Variants in CHD5 observed in about 807,000 individuals in gnomAD.
The protein encoded by CHD5 is chromodomain helicase DNA binding protein 5, also known as ATP-dependent chromatin remodeler CHD5.
CHD5 carries 69 observed loss-of-function variants against 230.3 expected under a neutral mutation model. The observed-to-expected ratio is 0.30, with a 90% CI of 0.25 to 0.37. CHD5 has a LOEUF of 0.37. Among genes scored for constraint, CHD5 ranks in the 10% least tolerant of loss-of-function variants. CHD5 has a pLI of 1.00. For missense variants in CHD5, 1,827 were observed against 2,622.8 expected, an observed-to-expected ratio of 0.70 and a Z score of 6.63; for synonymous variants, 1,064 against 1,065.9, an observed-to-expected ratio of 1.00 and a Z score of 0.03.
At chr1:6,177,799 G>C (rs963754576) in intron 1 of CHD5, among the ~76,000 whole-genome samples, 7 of 152,214 alleles carry the variant, frequency 4.6e-5, no homozygotes, top group Non-Finnish European at 8.8e-5. Flanking sequence ...TGGCAGGATG[G>C]AGCGTGGAGC....
chr1:6,178,307 A>G (rs916793338), intron 1 of CHD5, among the ~76,000 whole-genome samples: 2 of 152,010 alleles, frequency 1.3e-5, no homozygotes, highest in East Asian at 1.9e-4. Context: ...CCCCTCCCCA[A>G]CCTCTAAGTC....
rs1366876416 is a variant in CHD5, at chr1:6,167,030, A to G, written c.207+1120T>C. 1.3e-5 allele frequency among the ~76,000 whole-genome samples: 2 copies of G among 152,082 alleles called. No individual in the cohort carries two copies. Among genetic ancestry groups the G allele is most frequent in the Admixed American group, 6.5e-5 (1 of 15,270 alleles). On this transcript the variant is annotated intron_variant, in intron 2 of 41. Transcript: ENST00000262450. The surrounding 1 kb of genome is among the most constrained non-coding windows in gnomAD (Gnocchi z 4.5). ...CACCTCACTCTGCAGGGAGGCCTAG[A>G]TCCGGGCCCAGCGCTGCCAAGGGCA...
intron 37 of CHD5, 44 bp from the exon 38 acceptor site, chr1:6,110,034 G>A: frequency 2.7e-6 from 4 of 1,458,968 alleles, no homozygotes; most frequent in Non-Finnish European, 3.6e-6. Flanking sequence ...CCCGCTGAAT[G>A]GCTACCCTCC....
intron 15 of CHD5, among the ~76,000 whole-genome samples, chr1:6,141,399 T>C (rs1344082371): frequency 6.6e-6 from 1 of 151,824 alleles, no homozygotes; most frequent in Non-Finnish European, 1.5e-5. Flanking sequence ...GCAGATCACT[T>C]GAGGTCACAA....
chr1:6,111,188 C>A (rs1666281507), intron 36 of CHD5, among the ~76,000 whole-genome samples: 1 of 150,470 alleles, frequency 6.6e-6, no homozygotes, highest in African/African-American at 2.4e-5. Flanking sequence ...TGAGATCGCA[C>A]CACTGCACTT....
rs1453242840 is a variant in CHD5, at chr1:6,149,039, C to T, written c.1198G>A (p.Asp400Asn). ...EGIQWEPKDD[D>N]DEEEEGGCEE... is the part of the protein sequence containing the mutation. ...CAGCCGCCCTCCTCCTCTTCATCGT[C>T]GTCGTCCTTCGGCTCCCACTGGATC... The change falls in exon 9 of 42, where the codon GAC (aspartate) becomes AAC (asparagine). Residue 400 changes from aspartate (D) to asparagine (N), a missense_variant. Around this residue, in one of 14 missense-constraint regions of CHD5, gnomAD observed 657 missense variants for 816.4 expected, o/e 0.80. Transcript: ENST00000262450. 5 of 1,584,496 alleles carry T rather than the reference C, an allele frequency of 3.2e-6. No homozygotes were observed. Among genetic ancestry groups the T allele is most frequent in the Non-Finnish European group, 4.3e-6 (5 of 1,166,054 alleles).
chr1:6,168,725 G>A (rs1667291226), intron 1 of CHD5, among the ~76,000 whole-genome samples: 1 of 152,128 alleles, frequency 6.6e-6, no homozygotes, highest in African/African-American at 2.4e-5. Context: ...GGTGGCTCGA[G>A]AATGCTGGAC....
At chr1:6,107,406 GAAAT>G (rs1328479229) in intron 38 of CHD5, among the ~76,000 whole-genome samples, 7 of 88,380 alleles carry the variant, frequency 7.9e-5, no homozygotes, top group Admixed American at 2.2e-4. Context: ...GAGGGGTGGA[GAAAT>G]GGAGGGATGG....
intron 6 of CHD5, 151 bp from the exon 7 acceptor site, chr1:6,151,306 C>A: frequency 2.2e-6 from 2 of 910,626 alleles, no homozygotes; most frequent in Non-Finnish European, 3.0e-6. Flanking sequence ...AGCTGAAAAC[C>A]TCACATTACA....
At chr1:6,162,879 G>A (rs997005755) in intron 2 of CHD5, among the ~76,000 whole-genome samples, 7 of 152,142 alleles carry the variant, frequency 4.6e-5, no homozygotes, top group South Asian at 2.1e-4. Flanking sequence ...CAACATCTAC[G>A]GGGAGCCAAC....
chr1:6,132,306 C>T (rs887314679), intron 20 of CHD5, among the ~76,000 whole-genome samples: 6 of 152,282 alleles, frequency 3.9e-5, no homozygotes, highest in Non-Finnish European at 5.9e-5. Flanking sequence ...CTCAGTGCAC[C>T]GGAGATTTTG....
chr1:6,155,600 T>C lies in CHD5; in HGVS notation c.505A>G (p.Arg169Gly). Residue 169 changes from arginine to glycine, a missense_variant and splice_region_variant, in exon 4 of 42, where the codon AGG becomes GGG. By Grantham distance (125) the Arg-to-Gly change is moderately radical. Around this residue, in one of 14 missense-constraint regions of CHD5, gnomAD observed 657 missense variants for 816.4 expected, o/e 0.80. Coordinates refer to ENST00000262450, the MANE Select transcript of CHD5 (RefSeq NM_015557.3). This position sits in a 1 kb window ranked among gnomAD's most constrained non-coding sequence, Gnocchi z 4.0. Reference protein sequence around the residue: ...TNYKAFSQFLRPLIAKKNPKI... With the variant: ...TNYKAFSQFLGPLIAKKNPKI... The stretch of plus-strand genomic sequence containing the variant: ...GAACAGCCCTAGTGCCCCGCCCACC[T>C]GAGGAACTGGCTGAAGGCCTTGTAG... 1 of 1,611,722 alleles carries C rather than the reference T, an allele frequency of 6.2e-7. No individual in the cohort carries two copies. Among genetic ancestry groups the C allele is most frequent in the Non-Finnish European group, 8.5e-7 (1 of 1,177,946 alleles).
chr1:6,171,568 G>C (rs967508622), intron 1 of CHD5, among the ~76,000 whole-genome samples: 1 of 152,072 alleles, frequency 6.6e-6, no homozygotes, highest in African/African-American at 2.4e-5. Context: ...TTCTGCCCTT[G>C]GACACTCTCT....
At chr1:6,139,499 A>T (rs569283167) in intron 15 of CHD5, among the ~76,000 whole-genome samples, 18 of 150,616 alleles carry the variant, frequency 1.2e-4, no homozygotes, top group African/African-American at 4.1e-4. Flanking sequence ...GGCCTCCCAA[A>T]GTGCTGGGAT....
At chr1:6,123,770 A>G (rs1329517170) in intron 31 of CHD5, among the ~76,000 whole-genome samples, 178 bp downstream of exon 31, 1 of 152,118 alleles carries the variant, frequency 6.6e-6, no homozygotes, top group African/African-American at 2.4e-5. Flanking sequence ...TATATAAATT[A>G]TATCTCGTAA....
Position 6,137,175 on chromosome 1 carries a change from C to T in CHD5, c.2437-310G>A, listed in dbSNP as rs575501067. On this transcript the variant is annotated intron_variant, in intron 15 of 41. Transcript: ENST00000262450. ...AGCGTGGAGTACAGTGGCACGATCA[C>T]CACTCACTTGCAGCCTCCACCTCCC... Among the ~76,000 whole-genome samples the T allele has an allele frequency of 5.3e-5, 8 of 152,262 alleles. No individual in the cohort carries two copies. In the South Asian group the frequency reaches 1.2e-3, roughly 24 times the overall value.
At chr1:6,135,597 C>A (rs1323154052) in intron 17 of CHD5, among the ~76,000 whole-genome samples, 194 bp from the exon 18 acceptor site, 3 of 152,226 alleles carry the variant, frequency 2.0e-5, no homozygotes, top group Non-Finnish European at 4.4e-5. Context: ...CTCAGCCACA[C>A]TGGACACCTT....
chr1:6,154,957 G>A lies in CHD5; in HGVS notation c.507-59C>T, dbSNP rs941770346. On this transcript the variant is annotated intron_variant, in intron 4 of 41. Coordinates refer to ENST00000262450, the MANE Select transcript of CHD5 (RefSeq NM_015557.3). The surrounding 1 kb of genome is among the most constrained non-coding windows in gnomAD (Gnocchi z 7.0). ...GCCAGGTGAGATGAGAGGCCCACCCGACCCCCGGCAGGGCCCACCCCTCTG... is the reference window on the plus strand; with the variant it reads ...GCCAGGTGAGATGAGAGGCCCACCCAACCCCCGGCAGGGCCCACCCCTCTG... 20 of 1,488,382 alleles carry A rather than the reference G, an allele frequency of 1.3e-5. No homozygotes were observed. Among genetic ancestry groups the A allele is most frequent in the South Asian group, 3.6e-5 (3 of 82,488 alleles). The allele number at this position is 1,488,382 out of a possible 1,614,324, so 92.2% of individuals were successfully genotyped here.
At chr1:6,111,084 G>C (rs1002100833) in intron 36 of CHD5, among the ~76,000 whole-genome samples, 1 of 151,680 alleles carries the variant, frequency 6.6e-6, no homozygotes, top group East Asian at 1.9e-4. Flanking sequence ...ACAAAAACTA[G>C]CTGGGAGTGG....
Sources: allele counts gnomAD v4.1 joint callset (sites outside exome capture counted in the v4.1 genomes callset), GRCh38; gene constraint gnomAD v4.1.1; regional missense constraint gnomAD v4.1.1; non-coding constraint Gnocchi (gnomAD v3.1); transcripts MANE v1.5; gene names NCBI Gene and HGNC (gene_info 2026-07-23, HGNC 2026-07-21).